Variants in GRIK2 observed in about 807,000 individuals in gnomAD.
GRIK2 encodes the protein glutamate ionotropic receptor kainate type subunit 2.
Under a neutral mutation model 100.3 loss-of-function variants are expected in GRIK2, and 32 were observed. That is an observed-to-expected ratio of 0.32 (90% CI 0.24 to 0.43). The LOEUF (loss-of-function observed/expected upper bound fraction) is 0.43, where lower values mean the gene tolerates loss of function less well. Among genes scored for constraint, GRIK2 ranks in the 20% least tolerant of loss-of-function variants. The probability of loss-of-function intolerance (pLI) is 1.00; values close to 1 mark genes in which losing one functional copy is unlikely to be tolerated. For missense variants in GRIK2, 843 were observed against 1,114.9 expected (o/e 0.76, Z 3.47); for synonymous variants, 417 against 389.4 (o/e 1.07, Z -0.83).
chr6:101,528,765 C>T (rs1775277516), intron 2 of GRIK2, among the ~76,000 whole-genome samples: 1 of 152,150 alleles, frequency 6.6e-6, no homozygotes. Context: ...AATACCAAAT[C>T]TGCTTCCTAA....
At position 101,743,853 on chromosome 6, in the gene GRIK2, T is replaced by A. The variant is rs144198348; in HGVS notation, c.952-55795T>A. 1.2e-3 allele frequency among the ~76,000 whole-genome samples: 178 copies of A among 152,270 alleles called. 1 individual carries two copies. The highest frequency in any genetic ancestry group is 2.2e-3 in the Non-Finnish European group (148 of 68,016). ...CGTTAATAGGTTTTTTGGGAACAGG[T>A]GGTATTTAGTTAAATGAACAAGTTC... On this transcript the variant is annotated intron_variant, in intron 7 of 16. Coordinates refer to ENST00000369134, the MANE Select transcript of GRIK2 (RefSeq NM_021956.5).
chr6:101,967,108 TATA>T (rs1212898902), intron 14 of GRIK2, among the ~76,000 whole-genome samples: 1 of 151,804 alleles, frequency 6.6e-6, no homozygotes, highest in African/African-American at 2.4e-5. Context: ...AATATATTTT[TATA>T]ATATTAAACA....
At chr6:101,896,151 C>A (rs777946900) in intron 12 of GRIK2, among the ~76,000 whole-genome samples, 4 of 151,548 alleles carry the variant, frequency 2.6e-5, no homozygotes, top group Non-Finnish European at 4.4e-5. Flanking sequence ...AGTCACCAAC[C>A]CAGAAAAAAT....
At chr6:101,719,936 A>G (rs947419013) in intron 7 of GRIK2, among the ~76,000 whole-genome samples, 8 of 150,460 alleles carry the variant, frequency 5.3e-5, no homozygotes, top group African/African-American at 2.0e-4. Context: ...AAAAAGAAAG[A>G]GAGAGAAAAA....
At chr6:101,536,355 A>G (rs577602306) in intron 2 of GRIK2, among the ~76,000 whole-genome samples, 27 of 151,698 alleles carry the variant, frequency 1.8e-4, no homozygotes, top group African/African-American at 6.0e-4. Context: ...TTGTTCCAGC[A>G]TGCTTATCTT....
At position 102,068,542 on chromosome 6, in the gene GRIK2, T is replaced by A; in HGVS notation, c.*31T>A. On this transcript the variant is annotated 3_prime_UTR_variant, in exon 17 of 17. Transcript: ENST00000369134. The stretch of plus-strand genomic sequence containing the variant: ...GGAGGCCAAACACCCAAGCACAAAC[T>A]GTCGTCTTTTTCCAAACAATTTAGC... The A allele has an allele frequency of 1.9e-6, 3 of 1,595,324 alleles. No individual in the cohort carries two copies. The highest frequency in any genetic ancestry group is 2.6e-6 in the Non-Finnish European group (3 of 1,168,262).
At chr6:101,964,344 A>T (rs1792523961) in intron 14 of GRIK2, among the ~76,000 whole-genome samples, 1 of 151,850 alleles carries the variant, frequency 6.6e-6, no homozygotes, top group Non-Finnish European at 1.5e-5. Flanking sequence ...ACTGGAGAGG[A>T]GGTTTGTGAA....
chr6:101,800,781 A>G (rs181074589), intron 8 of GRIK2, among the ~76,000 whole-genome samples: 1 of 152,216 alleles, frequency 6.6e-6, no homozygotes, highest in East Asian at 1.9e-4. Context: ...TGAGCTGTAG[A>G]CACAGTCCAC....
rs146565658 is a variant in GRIK2 at position 101,892,462 on chromosome 6, C to T, written c.1748+2599C>T. ...ATTATGGTAATCTGTACTGATTTTA[C>T]GTGAAAGAAATTCAAGTATGTCATC... On this transcript the variant is annotated intron_variant, in intron 12 of 16. Transcript: ENST00000369134. Among the ~76,000 whole-genome samples, 26 of 151,978 alleles carry T rather than the reference C, an allele frequency of 1.7e-4. No homozygotes were observed. In the East Asian group the frequency reaches 4.6e-3, roughly 27 times the overall value.
chr6:102,026,888 A>G (rs1037848691), intron 14 of GRIK2, among the ~76,000 whole-genome samples: 2 of 151,276 alleles, frequency 1.3e-5, no homozygotes, highest in Non-Finnish European at 3.0e-5. Flanking sequence ...CACCTTTGAT[A>G]TGAACCACAT....
In GRIK2 at chr6:101,834,847, T is replaced by TA. The variant is rs924049388; in HGVS notation, c.1317+16373dup. Reference sequence around the variant, plus strand: ...GACCCTATTACTACAAATAATAAAATAAAAAAAAATAGCCAGGAATTTTGA... The same window carrying TA: ...GACCCTATTACTACAAATAATAAAATAAAAAAAAAATAGCCAGGAATTTTGA... On this transcript the variant is annotated intron_variant, in intron 10 of 16. Transcript: ENST00000369134. 9.0e-4 allele frequency among the ~76,000 whole-genome samples: 135 copies of TA among 150,436 alleles called. 1 individual carries two copies. Among genetic ancestry groups the TA allele is most frequent in the Admixed American group, 6.0e-4 (9 of 15,100 alleles).
chr6:101,744,933 T>A lies in GRIK2; in HGVS notation c.952-54715T>A, dbSNP rs536657629. On this transcript the variant is annotated intron_variant, in intron 7 of 16. Coordinates refer to ENST00000369134, the MANE Select transcript of GRIK2 (RefSeq NM_021956.5). The stretch of plus-strand genomic sequence containing the variant: ...GATGGGCATATGGGCTGGTTCCATA[T>A]GTTTGCAACTGCAAATTGTGAGCAC... 4.7e-4 allele frequency: 72 copies of A among 152,186 alleles called. 1 individual carries two copies. The highest frequency in any genetic ancestry group is 1.6e-3 in the African/African-American group (66 of 41,520). The allele number at this position is 152,186 out of a possible 1,614,324, so 9.4% of individuals were successfully genotyped here.
At chr6:101,405,930 A>G (rs1775570129) in intron 2 of GRIK2, among the ~76,000 whole-genome samples, 1 of 152,202 alleles carries the variant, frequency 6.6e-6, no homozygotes, top group African/African-American at 2.4e-5. Flanking sequence ...AAGCTTTTAA[A>G]CTTCAGATTT....
At chr6:101,740,663 T>C (rs1775964872) in intron 7 of GRIK2, among the ~76,000 whole-genome samples, 1 of 152,194 alleles carries the variant, frequency 6.6e-6, no homozygotes, top group Non-Finnish European at 1.5e-5. Context: ...TGGTTCACAG[T>C]TCTGCAGGCT....
intron 7 of GRIK2, among the ~76,000 whole-genome samples, chr6:101,756,065 C>T (rs981217549): frequency 6.6e-6 from 1 of 152,130 alleles, no homozygotes; most frequent in East Asian, 1.9e-4. Flanking sequence ...CCCTCCCCCC[C>T]AGGTTTTGTG....
intron 10 of GRIK2, among the ~76,000 whole-genome samples, chr6:101,837,791 C>A (rs2518196): frequency 0.29 from 43,814 of 151,966 alleles, 9,183 homozygotes; most frequent in East Asian, 0.68. Context: ...CCTCTGAACA[C>A]GGACTTTTGT....
intron 15 of GRIK2, among the ~76,000 whole-genome samples, chr6:102,049,185 A>T (rs932038942): frequency 6.6e-6 from 1 of 152,146 alleles, no homozygotes; most frequent in Non-Finnish European, 1.5e-5. Context: ...CATATGGAGC[A>T]ATAGATGAAA....
intron 7 of GRIK2, among the ~76,000 whole-genome samples, chr6:101,781,351 A>C (rs1409229999): frequency 6.6e-6 from 1 of 152,170 alleles, no homozygotes; most frequent in Non-Finnish European, 1.5e-5. Flanking sequence ...ATACTTGATG[A>C]TTTAAATTAT....
At position 101,610,928 on chromosome 6, in the gene GRIK2, C is replaced by T. The variant is rs956579113; in HGVS notation, c.116-11021C>T. Among the ~76,000 whole-genome samples the T allele has an allele frequency of 7.9e-5, 12 of 151,828 alleles. No homozygotes were observed. The East Asian group carries it at 1.7e-3, about 22-fold the overall frequency. On this transcript the variant is annotated intron_variant, in intron 2 of 16. Coordinates refer to ENST00000369134, the MANE Select transcript of GRIK2 (RefSeq NM_021956.5). ...TATTTATATCTTGATACTATTCAAG[C>T]GTCTGCCTTCCCAATCAGTATGCAG...
Sources: gnomAD v4.1 joint callset for allele counts (sites outside exome capture counted in the v4.1 genomes callset) on GRCh38, gnomAD v4.1.1 for gene constraint, MANE v1.5 for transcripts, NCBI Gene and HGNC (gene_info 2026-07-23, HGNC 2026-07-21) for gene names.